IL1RAPL1: variants seen among roughly 807,000 people sequenced by gnomAD.
IL1RAPL1 encodes the protein interleukin 1 receptor accessory protein like 1.
A neutral mutation model predicts 48.4 loss-of-function variants in IL1RAPL1; 3 were observed. The ratio of observed to expected loss-of-function variants is 0.06; its 90% CI spans 0.03 to 0.16. IL1RAPL1 has a LOEUF of 0.16. IL1RAPL1 is among the 10% of genes least tolerant of loss of function. IL1RAPL1 has a pLI of 1.00. For synonymous variants in IL1RAPL1, 185 were observed against 187.7 expected (o/e 0.99, Z 0.12); for missense variants, 349 against 530.6 (o/e 0.66, Z 3.36).
At chrX:29,708,329 T>C (rs1452534323) in intron 6 of IL1RAPL1, among the ~76,000 whole-genome samples, 2 of 111,742 alleles carry the variant, frequency 1.8e-5, no homozygotes, top group East Asian at 5.6e-4. Flanking sequence ...GTGGTCACCG[T>C]AGAGTGCAAT....
At chrX:29,478,428 G>A (rs1480836569) in intron 5 of IL1RAPL1, among the ~76,000 whole-genome samples, 1 of 111,347 alleles carries the variant, frequency 9.0e-6, no homozygotes, top group African/African-American at 3.3e-5. Context: ...GTGGCTGGAT[G>A]GCTGTGTCCC....
intron 2 of IL1RAPL1, among the ~76,000 whole-genome samples, chrX:29,206,923 A>G (rs1344959275): frequency 8.9e-6 from 1 of 112,044 alleles, no homozygotes; most frequent in East Asian, 2.8e-4. Context: ...TTAACCTAAT[A>G]GTCACATACA....
At chrX:29,463,787 G>T (rs939027002) in intron 5 of IL1RAPL1, among the ~76,000 whole-genome samples, 2 of 111,621 alleles carry the variant, frequency 1.8e-5, no homozygotes, top group African/African-American at 6.5e-5. Flanking sequence ...AGTTAGAAAA[G>T]GTCATTTAGC....
Position 29,217,568 on chromosome X carries a change from A to G in IL1RAPL1, c.83-65370A>G, listed in dbSNP as rs191943623. The stretch of plus-strand genomic sequence containing the variant: ...TTGGTGAGGCACCTTGTGCATTGCC[A>G]GGTAGCTGCCAGGTATTTATCTTAA... On this transcript the variant is annotated intron_variant, in intron 2 of 10. Transcript: ENST00000378993. Among the ~76,000 whole-genome samples, 5 of 111,759 alleles carry G rather than the reference A, an allele frequency of 4.5e-5. No individual in the cohort carries two copies. In the East Asian group the frequency reaches 1.4e-3, roughly 31 times the overall value.
chrX:29,516,093 T>C (rs756680931), intron 5 of IL1RAPL1, among the ~76,000 whole-genome samples: 55 of 112,151 alleles, frequency 4.9e-4, no homozygotes, highest in South Asian at 1.5e-3. Flanking sequence ...AATTCTACAG[T>C]ATTTGCAACA....
chrX:28,996,639 T>A (rs1046123160), intron 2 of IL1RAPL1, among the ~76,000 whole-genome samples: 2 of 110,965 alleles, frequency 1.8e-5, no homozygotes, highest in African/African-American at 3.3e-5. Context: ...TGTGTGTGTG[T>A]GATACAATAC....
intron 2 of IL1RAPL1, among the ~76,000 whole-genome samples, chrX:29,095,303 A>G (rs1291932848): frequency 9.0e-6 from 1 of 111,400 alleles, no homozygotes; most frequent in African/African-American, 3.3e-5. Flanking sequence ...AATTCTTACT[A>G]TATTAGTCAT....
At chrX:29,586,282 A>G (rs959401249) in intron 5 of IL1RAPL1, among the ~76,000 whole-genome samples, 1 of 111,564 alleles carries the variant, frequency 9.0e-6, no homozygotes, top group African/African-American at 3.3e-5. Context: ...AGTTTCCCCA[A>G]TATCATTTGT....
intron 2 of IL1RAPL1, among the ~76,000 whole-genome samples, chrX:29,244,986 T>C (rs1190404049): frequency 1.8e-5 from 2 of 108,312 alleles, no homozygotes; most frequent in East Asian, 6.0e-4. Context: ...CCATGTGTTC[T>C]TATACTTCAC....
At chrX:29,495,427 C>T (rs1314261787) in intron 5 of IL1RAPL1, among the ~76,000 whole-genome samples, 2 of 111,387 alleles carry the variant, frequency 1.8e-5, no homozygotes, top group Admixed American at 9.6e-5. Context: ...GAACACAGAA[C>T]GCAGGAATTT....
chrX:29,663,290 A>G (rs1925900899), intron 5 of IL1RAPL1, among the ~76,000 whole-genome samples: 2 of 112,448 alleles, frequency 1.8e-5, no homozygotes, highest in African/African-American at 6.5e-5. Context: ...AGTCAGTGCA[A>G]TTGCACAAAG....
At chrX:29,633,376 G>A (rs1356976091) in intron 5 of IL1RAPL1, among the ~76,000 whole-genome samples, 1 of 110,235 alleles carries the variant, frequency 9.1e-6, no homozygotes, top group Non-Finnish European at 1.9e-5. Context: ...GAAGAGAAGA[G>A]CTTCTGGCAT....
chrX:29,709,419 G>C (rs375921533), intron 6 of IL1RAPL1, among the ~76,000 whole-genome samples: 35 of 111,459 alleles, frequency 3.1e-4, no homozygotes, highest in Non-Finnish European at 6.0e-4. Flanking sequence ...TCCCCATTGT[G>C]TTTTCTTAGC....
chrX:28,888,515 G>T (rs897879612), intron 2 of IL1RAPL1, among the ~76,000 whole-genome samples: 7 of 111,276 alleles, frequency 6.3e-5, no homozygotes, highest in African/African-American at 2.3e-4. Context: ...ACATTAAATT[G>T]CCAAAGTGAG....
chrX:29,793,144 T>A (rs758447176), intron 6 of IL1RAPL1, among the ~76,000 whole-genome samples: 4 of 112,488 alleles, frequency 3.6e-5, no homozygotes, highest in African/African-American at 9.7e-5. Flanking sequence ...CAGTGTTTCA[T>A]TCCACATCTA....
intron 5 of IL1RAPL1, among the ~76,000 whole-genome samples, chrX:29,434,174 C>T (rs1934454723): frequency 9.1e-6 from 1 of 109,894 alleles, no homozygotes; most frequent in African/African-American, 3.3e-5. Flanking sequence ...AGAGCTCTAA[C>T]ATTCTAATGT....
chrX:29,292,884 G>T (rs1051771107), intron 3 of IL1RAPL1, among the ~76,000 whole-genome samples: 7 of 110,873 alleles, frequency 6.3e-5, no homozygotes, highest in Non-Finnish European at 1.1e-4. Context: ...TTTAAAATAA[G>T]ATTTCAAGTT....
At chrX:28,889,203 A>G (rs1173281824) in intron 2 of IL1RAPL1, among the ~76,000 whole-genome samples, 1 of 111,240 alleles carries the variant, frequency 9.0e-6, no homozygotes, top group African/African-American at 3.3e-5. Context: ...GGATTTAATT[A>G]TTTTTTCTTG....
At chrX:29,514,245 T>A (rs1471723436) in intron 5 of IL1RAPL1, among the ~76,000 whole-genome samples, 1 of 111,736 alleles carries the variant, frequency 8.9e-6, no homozygotes, top group Non-Finnish European at 1.9e-5. Context: ...TATAAAATAT[T>A]TGTCCTAACT....
Sources: gnomAD v4.1 joint callset for allele counts (sites outside exome capture counted in the v4.1 genomes callset) on GRCh38, gnomAD v4.1.1 for gene constraint, MANE v1.5 for transcripts, NCBI Gene and HGNC (gene_info 2026-07-23, HGNC 2026-07-21) for gene names.